The following POU3F3 variants were observed in gnomAD, a reference collection of about 807,000 sequenced individuals.
POU3F3 encodes POU class 3 homeobox 3.
In POU3F3, 1 loss-of-function variant was observed where a neutral mutation model predicts 8.6. The ratio of observed to expected loss-of-function variants is 0.12; its 90% CI spans 0.04 to 0.55. The LOEUF is 0.55. Among genes scored for constraint, POU3F3 ranks in the 20% least tolerant of loss-of-function variants. The pLI is 0.91. For synonymous variants in POU3F3, 418 were observed against 327.4 expected (o/e 1.28, Z -2.99); for missense variants, 577 against 690.7 (o/e 0.84, Z 1.84).
the POU3F3 span, among the ~76,000 whole-genome samples, chr2:104,893,820 T>C: frequency 6.7e-6 from 1 of 149,368 alleles, no homozygotes; most frequent in Non-Finnish European, 1.5e-5. Flanking sequence ...GAGGCGGAGG[T>C]TGCAGTGGGC....
chr2:104,898,129 T>C, the POU3F3 span, among the ~76,000 whole-genome samples: 1 of 152,132 alleles, frequency 6.6e-6, no homozygotes, highest in Non-Finnish European at 1.5e-5. Flanking sequence ...TAGTGCCCGC[T>C]TAAGAAGAGG....
At chr2:104,862,642 G>A (rs529034469), downstream of POU3F3, among the ~76,000 whole-genome samples, 7 of 152,308 alleles carry the variant, frequency 4.6e-5, no homozygotes, top group South Asian at 1.5e-3. Flanking sequence ...GCCAGACTGT[G>A]GCAGCTGCTG....
At chr2:104,890,151 C>T in the POU3F3 span, among the ~76,000 whole-genome samples, 566 of 152,242 alleles carry the variant, frequency 3.7e-3, 3 homozygotes, top group African/African-American at 0.013. Context: ...GACCAGCGTG[C>T]GCACTGGGAG....
At chr2:104,906,555 T>C in the POU3F3 span, among the ~76,000 whole-genome samples, 1 of 152,212 alleles carries the variant, frequency 6.6e-6, no homozygotes. Flanking sequence ...GGTGTCCTTT[T>C]TGTCATGTTA....
At chr2:104,894,462 A>G in the POU3F3 span, among the ~76,000 whole-genome samples, 1 of 152,148 alleles carries the variant, frequency 6.6e-6, no homozygotes, top group Non-Finnish European at 1.5e-5. Context: ...TCACAGCCCC[A>G]TGGTTGATGG....
At chr2:104,868,278 G>A in the POU3F3 span, 1 of 456,564 alleles carries the variant, frequency 2.2e-6, no homozygotes, top group Non-Finnish European at 4.4e-6. Flanking sequence ...GCGGCAGTGA[G>A]GAGCTCAGGG....
At chr2:104,905,476 G>A in the POU3F3 span, among the ~76,000 whole-genome samples, 4 of 152,278 alleles carry the variant, frequency 2.6e-5, no homozygotes, top group South Asian at 8.3e-4. Context: ...TTTTAACAAA[G>A]TTCAGTGTCC....
At chr2:104,908,769 A>G in the POU3F3 span, among the ~76,000 whole-genome samples, 15 of 152,370 alleles carry the variant, frequency 9.8e-5, no homozygotes, top group East Asian at 3.9e-4. Flanking sequence ...GTAAGAATCA[A>G]TCCTTAAGCT....
Position 104,855,763 on chromosome 2 carries a change from A to C in POU3F3, c.253A>C (p.Ser85Arg), listed in dbSNP as rs1480915600. ...CTTCATGCAGGGGGCCATGGCCGCC[A>C]GCAACGGCGGCCATATGCTGAGCCA... The part of the protein sequence containing the change: ...SDFMQGAMAA[S>R]NGGHMLSHAH... The change falls in exon 1 of 1, where the codon AGC becomes CGC. Residue 85 changes from serine to arginine, a missense_variant. By Grantham distance (110) the Ser-to-Arg change is moderately radical. Coordinates refer to ENST00000361360, the MANE Select transcript of POU3F3 (RefSeq NM_006236.3). The C allele has an allele frequency of 7.7e-7, 1 of 1,305,210 alleles. No homozygotes were observed. Among genetic ancestry groups the C allele is most frequent in the Non-Finnish European group, 9.9e-7 (1 of 1,005,268 alleles). 80.9% of individuals were successfully genotyped at this position (1,305,210 alleles called of 1,614,324 possible).
At chr2:104,886,359 C>T in the POU3F3 span, among the ~76,000 whole-genome samples, 1 of 152,086 alleles carries the variant, frequency 6.6e-6, no homozygotes. Flanking sequence ...TTGCTATTGC[C>T]TACAGTATTC....
At chr2:104,896,859 T>A in the POU3F3 span, among the ~76,000 whole-genome samples, 5 of 152,362 alleles carry the variant, frequency 3.3e-5, no homozygotes, top group African/African-American at 1.2e-4. Context: ...ATGTGTGGGA[T>A]CTGGATGCCT....
At chr2:104,889,729 C>T in the POU3F3 span, among the ~76,000 whole-genome samples, 1 of 152,206 alleles carries the variant, frequency 6.6e-6, no homozygotes, top group African/African-American at 2.4e-5. Flanking sequence ...CTTCATGTTC[C>T]TACCTGGCAT....
chr2:104,856,018 C>G lies in POU3F3; in HGVS notation c.508C>G (p.Pro170Ala), dbSNP rs1037573027. 2 of 987,832 alleles carry G rather than the reference C, an allele frequency of 2.0e-6. No individual in the cohort carries two copies. Among genetic ancestry groups the G allele is most frequent in the African/African-American group, 3.6e-5 (2 of 56,032 alleles). 61.2% of individuals were successfully genotyped at this position (987,832 alleles called of 1,614,324 possible). Residue 170 changes from proline to alanine, a missense_variant, in exon 1 of 1, where the codon CCG becomes GCG. By Grantham distance (27) the Pro-to-Ala change is conservative. Coordinates refer to ENST00000361360, the MANE Select transcript of POU3F3 (RefSeq NM_006236.3). ...AGTALHHRGP[P>A]HLGPPPPPPH... ...CACAGCGCTGCACCACCGCGGGCCG[C>G]CGCACCTCGGACCCCCGCCGCCGCC...
the POU3F3 span, among the ~76,000 whole-genome samples, chr2:104,904,405 T>C: frequency 3.3e-5 from 5 of 152,002 alleles, no homozygotes; most frequent in Non-Finnish European, 7.4e-5. Context: ...TAGCAAAAAG[T>C]CCTGGAAATG....
the POU3F3 span, among the ~76,000 whole-genome samples, chr2:104,876,675 A>T: frequency 6.6e-6 from 1 of 152,230 alleles, no homozygotes; most frequent in African/African-American, 2.4e-5. Flanking sequence ...AATGTAAACG[A>T]CTGTGGAGAC....
the POU3F3 span, among the ~76,000 whole-genome samples, chr2:104,901,624 G>A: frequency 6.6e-6 from 1 of 152,198 alleles, no homozygotes. Flanking sequence ...GCAGGGGAGG[G>A]GAACTGCTCA....
the POU3F3 span, chr2:104,925,824 T>A: frequency 6.6e-6 from 1 of 152,176 alleles, no homozygotes; most frequent in Non-Finnish European, 1.5e-5. Context: ...GAGGCAAAAT[T>A]TCCCACTGGG....
the POU3F3 span, among the ~76,000 whole-genome samples, chr2:104,913,196 T>C: frequency 6.6e-6 from 1 of 151,802 alleles, no homozygotes; most frequent in African/African-American, 2.4e-5. Context: ...GTTGGCTTTT[T>C]TTTTTTTAAA....
At chr2:104,861,073 ATTG>A (rs1676650479), downstream of POU3F3, among the ~76,000 whole-genome samples, 1 of 152,122 alleles carries the variant, frequency 6.6e-6, no homozygotes, top group Non-Finnish European at 1.5e-5. Context: ...GCAACAATAT[ATTG>A]TTGTATTTAT....
Sources: gnomAD v4.1 joint callset for allele counts (sites outside exome capture counted in the v4.1 genomes callset) on GRCh38, gnomAD v4.1.1 for gene constraint, MANE v1.5 for transcripts, NCBI Gene and HGNC (gene_info 2026-07-23, HGNC 2026-07-21) for gene names.